MROH2A: variants seen among roughly 807,000 people sequenced by gnomAD.
MROH2A encodes maestro heat-like repeat-containing protein family member 2A.
In MROH2A, 174 loss-of-function variants were observed where a neutral mutation model predicts 200.4. The ratio of observed to expected loss-of-function variants is 0.87; its 90% confidence interval spans 0.77 to 0.98. MROH2A has a LOEUF of 0.98. Among genes scored for constraint, MROH2A ranks in the 50% least tolerant of loss-of-function variants. MROH2A has a pLI of 0.00. For synonymous variants in MROH2A, 829 were observed against 840.4 expected, an observed-to-expected ratio of 0.99 and a Z score of 0.23; for missense variants, 2,045 against 2,139.6, an observed-to-expected ratio of 0.96 and a Z score of 0.87.
intron 14 of MROH2A, among the ~76,000 whole-genome samples, chr2:233,801,146 G>A (rs1702447213): frequency 6.6e-6 from 1 of 152,220 alleles, no homozygotes; most frequent in South Asian, 2.1e-4. Context: ...TTTGCTCAAG[G>A]CCTCATATCT....
chr2:233,780,588 C>A lies in MROH2A; in HGVS notation c.276+736C>A, dbSNP rs543073863. Among the ~76,000 whole-genome samples the A allele has an allele frequency of 2.0e-5, 3 of 152,106 alleles. No homozygotes were observed. In the East Asian group the frequency reaches 5.8e-4, roughly 29 times the overall value. On this transcript the variant is annotated intron_variant, in intron 3 of 41. Coordinates refer to ENST00000389758, the MANE Select transcript of MROH2A (RefSeq NM_001394639.1). The stretch of plus-strand genomic sequence containing the variant: ...TTTGGATTTGCATTTGCGTTTTCCC[C>A]CTTTTATTTTTAGTTGACACATAAC...
At chr2:233,777,081 G>A (rs533931810), upstream of MROH2A, among the ~76,000 whole-genome samples, 1 of 152,230 alleles carries the variant, frequency 6.6e-6, no homozygotes, top group Non-Finnish European at 1.5e-5. Context: ...ACAGAGCACA[G>A]ATCCACAGAC....
intron 24 of MROH2A, 61 bp from the exon 25 acceptor site, chr2:233,813,609 G>A (rs1703320462): frequency 9.8e-7 from 1 of 1,018,352 alleles, no homozygotes; most frequent in Admixed American, 2.1e-5. Flanking sequence ...ATTGGGCAGT[G>A]GGGCAGCAGA....
In MROH2A at chr2:233,828,767, C is replaced by A. The variant is rs1206782968; in HGVS notation, c.4251C>A (p.Gly1417=). The part of the protein sequence containing the change: ...SLRALGNMAL[G]APKKVKQYRK... ...GCGCCCTCGGCAACATGGCCCTGGG[C>A]GCCCCCAAGAAGGTACTGTGCCTGG... The change falls in exon 36 of 42, where the codon GGC becomes GGA. Residue 1417 remains glycine, a synonymous_variant. Transcript: ENST00000389758. This position sits in a 1 kb window ranked among gnomAD's most constrained non-coding sequence, Gnocchi z 4.6. The A allele has an allele frequency of 1.9e-6, 3 of 1,550,312 alleles. No individual in the cohort carries two copies. Among genetic ancestry groups the A allele is most frequent in the South Asian group, 2.4e-5 (2 of 84,044 alleles).
chr2:233,800,311 C>G lies in MROH2A; in HGVS notation c.1556C>G (p.Thr519Ser), dbSNP rs1270955616. 1.3e-6 allele frequency: 2 copies of G among 1,543,288 alleles called. No homozygotes were observed. Among genetic ancestry groups the G allele is most frequent in the Non-Finnish European group, 1.8e-6 (2 of 1,142,376 alleles). The change falls in exon 14 of 42, where the codon ACC (threonine) becomes AGC (serine). Residue 519 changes from threonine to serine, a missense_variant. Around this residue, in one of 3 missense-constraint regions of MROH2A, gnomAD observed 831 missense variants for 800.0 expected, o/e 1.04. Coordinates refer to ENST00000389758, the MANE Select transcript of MROH2A (RefSeq NM_001394639.1). ...KIITSSVSGMTTEFWVRLLCY... is the reference protein window; with the variant it reads ...KIITSSVSGMSTEFWVRLLCY... ...ATTACCTCTTCTGTCAGTGGGATGACCACCGTGAGTGGGCCCTGCCCCACC... is the reference window on the plus strand; with the variant it reads ...ATTACCTCTTCTGTCAGTGGGATGAGCACCGTGAGTGGGCCCTGCCCCACC...
chr2:233,789,809 C>T (rs768911929), intron 4 of MROH2A, 43 bp from the exon 5 acceptor site: 33 of 1,521,868 alleles, frequency 2.2e-5, no homozygotes, highest in Admixed American at 1.0e-4. Flanking sequence ...CCTGGAGGCC[C>T]GGCTGGTGGT....
Position 233,814,565 on chromosome 2 carries a change from C to T in MROH2A, c.2761-17C>T, listed in dbSNP as rs544720958. The T allele has an allele frequency of 3.9e-5, 60 of 1,545,086 alleles. No individual in the cohort carries two copies. In the African/African-American group the frequency reaches 7.3e-4, roughly 19 times the overall value. On this transcript the variant is annotated splice_polypyrimidine_tract_variant and intron_variant, in intron 25 of 41. Transcript: ENST00000389758. ...GCCCCTCATTGCCGCCTATCTCTCTCTCCCTCTTGGCTGTAGACCCTGTAT... is the reference window on the plus strand; with the variant it reads ...GCCCCTCATTGCCGCCTATCTCTCTTTCCCTCTTGGCTGTAGACCCTGTAT...
intron 38 of MROH2A, among the ~76,000 whole-genome samples, chr2:233,830,851 C>T (rs910510879): frequency 7.2e-5 from 11 of 152,334 alleles, no homozygotes; most frequent in African/African-American, 2.4e-4. Flanking sequence ...CACCCTCTGT[C>T]TTCAGCCCAC....
chr2:233,810,913 A>G lies in MROH2A; in HGVS notation c.2568A>G (p.Ile856Met). 1.3e-6 allele frequency: 2 copies of G among 1,549,834 alleles called. No individual in the cohort carries two copies. The highest frequency in any genetic ancestry group is 1.2e-5 in the South Asian group (1 of 84,026). The stretch of plus-strand genomic sequence containing the variant: ...AGAAGACGACTCTTACCAGCATTAT[A>G]GTGGTAAGCTGGGTGGGGCACCTCC... Reference protein sequence around the residue: ...FAQKTTLTSIIVAVIKAEPTD... With the variant: ...FAQKTTLTSIMVAVIKAEPTD... Residue 856 changes from isoleucine (I) to methionine (M), a missense_variant, in exon 23 of 42, where the codon ATA becomes ATG. Transcript: ENST00000389758.
At chr2:233,776,451 G>A (rs1401035273), upstream of MROH2A, among the ~76,000 whole-genome samples, 1 of 150,842 alleles carries the variant, frequency 6.6e-6, no homozygotes, top group Non-Finnish European at 1.5e-5. Context: ...CGCCTCCTGG[G>A]TTCAAGTGAT....
Position 233,793,673 on chromosome 2 carries a change from C to G in MROH2A, c.671C>G (p.Ala224Gly). Reference sequence around the variant, plus strand: ...TGCATTCCCCTGTTGCTGTTGGTAGCCATGGAGACCTTCTGTGAGACGGTG... The same window carrying G: ...TGCATTCCCCTGTTGCTGTTGGTAGGCATGGAGACCTTCTGTGAGACGGTG... ...EAKIRQAICS[A>G]METFCETVQF... The change falls in exon 7 of 42, where the codon GCC (alanine) becomes GGC (glycine). Residue 224 changes from alanine to glycine, a missense_variant and splice_region_variant. Ala to Gly is a moderately conservative substitution (Grantham distance 60). Coordinates refer to ENST00000389758, the MANE Select transcript of MROH2A (RefSeq NM_001394639.1). 7.2e-7 allele frequency: 1 copy of G among 1,391,542 alleles called. No individual in the cohort carries two copies. The highest frequency in any genetic ancestry group is 9.4e-7 in the Non-Finnish European group (1 of 1,066,748). The allele number at this position is 1,391,542 out of a possible 1,614,324, so 86.2% of individuals were successfully genotyped here. A position where few individuals can be genotyped will look rare whatever the true frequency, so the allele number is the denominator to read the frequency against.
At chr2:233,792,421 T>C (rs1228768916) in intron 5 of MROH2A, among the ~76,000 whole-genome samples, 1 of 151,804 alleles carries the variant, frequency 6.6e-6, no homozygotes, top group Non-Finnish European at 1.5e-5. Context: ...CACGCCATTC[T>C]CCTGCCTCTG....
intron 35 of MROH2A, among the ~76,000 whole-genome samples, chr2:233,825,183 C>T (rs1476288084): frequency 2.0e-5 from 3 of 152,172 alleles, no homozygotes; most frequent in African/African-American, 7.2e-5. Context: ...TATCCTGAGA[C>T]TTTGTTGAAG....
intron 14 of MROH2A, 109 bp from the exon 15 acceptor site, chr2:233,802,059 T>C: frequency 8.1e-7 from 1 of 1,236,994 alleles, no homozygotes. Flanking sequence ...AGGGGACATC[T>C]CTGGGGAAGC....
chr2:233,815,563 G>T (rs752690122), intron 26 of MROH2A, among the ~76,000 whole-genome samples: 1 of 152,096 alleles, frequency 6.6e-6, no homozygotes, highest in Non-Finnish European at 1.5e-5. Flanking sequence ...GTTAATTTTT[G>T]TATGGTCTGA....
Position 233,811,365 on chromosome 2 carries a change from G to A in MROH2A, c.2571+449G>A, listed in dbSNP as rs540032331. ...AAAGGCTGATGGAACCTGTGGGGCC[G>A]CCAATGTCCTTAATCCCCAGGCCTC... On this transcript the variant is annotated intron_variant, in intron 23 of 41. Transcript: ENST00000389758. Among the ~76,000 whole-genome samples, 18 of 152,336 alleles carry A rather than the reference G, an allele frequency of 1.2e-4. No homozygotes were observed. The South Asian group carries it at 1.4e-3, about 12-fold the overall frequency.
At chr2:233,822,716 T>G (rs998432086) in intron 33 of MROH2A, 160 bp downstream of exon 33, 1 of 1,135,862 alleles carries the variant, frequency 8.8e-7, no homozygotes, top group African/African-American at 1.6e-5. Context: ...TCAAGCACGG[T>G]GTGGTTTTCA....
chr2:233,800,171 C>A, intron 13 of MROH2A, 34 bp from the exon 14 acceptor site: 1 of 1,455,646 alleles, frequency 6.9e-7, no homozygotes, highest in Non-Finnish European at 9.3e-7. Flanking sequence ...CTCTGCTAGG[C>A]CACAGGTGGG....
rs1704738677 is a variant in MROH2A at position 233,831,389 on chromosome 2, G to T, written c.4603-20G>T. 6.5e-7 allele frequency: 1 copy of T among 1,539,406 alleles called. No individual in the cohort carries two copies. Among genetic ancestry groups the T allele is most frequent in the African/African-American group, 1.4e-5 (1 of 72,668 alleles). On this transcript the variant is annotated intron_variant, in intron 38 of 41. Coordinates refer to ENST00000389758, the MANE Select transcript of MROH2A (RefSeq NM_001394639.1). ...ACGTGGCCTGGCTGATGGCTCTGCT[G>T]CCGTCCTGTGTCCCTGCAGGCCTGT...
Sources: gnomAD v4.1 joint callset for allele counts (sites outside exome capture counted in the v4.1 genomes callset) on GRCh38, gnomAD v4.1.1 for gene constraint, gnomAD v4.1.1 regional missense constraint, Gnocchi (gnomAD v3.1) non-coding constraint, MANE v1.5 for transcripts, NCBI Gene and HGNC (gene_info 2026-07-23, HGNC 2026-07-21) for gene names.